PCDHGA4: variants seen among roughly 807,000 people sequenced by gnomAD.
PCDHGA4 encodes protocadherin gamma subfamily A, 4.
Under a neutral mutation model 54.6 loss-of-function variants are expected in PCDHGA4, and 38 were observed. The ratio of observed to expected loss-of-function variants is 0.70; its 90% CI spans 0.54 to 0.91. PCDHGA4 has a LOEUF of 0.91. Among genes scored for constraint, PCDHGA4 ranks in the 40% least tolerant of loss-of-function variants. PCDHGA4 has a pLI of 0.00. For missense variants in PCDHGA4, 1,298 were observed against 1,220.9 expected, an observed-to-expected ratio of 1.06 and a Z score of -0.94; for synonymous variants, 511 against 512.9, an observed-to-expected ratio of 1.00 and a Z score of 0.05.
At chr5:141,372,985 G>A (rs1018239187) in intron 1 of PCDHGA4, 2 of 639,950 alleles carry the variant, frequency 3.1e-6, no homozygotes, top group Non-Finnish European at 5.2e-6. Context: ...TATCTGTGTT[G>A]CAGTTGTTCT....
intron 1 of PCDHGA4, chr5:141,417,697 C>T: frequency 8.8e-7 from 1 of 1,140,966 alleles, no homozygotes; most frequent in Non-Finnish European, 1.2e-6. Context: ...AAAACCAGCT[C>T]CCACACAGAG....
At chr5:141,456,695 T>C (rs1264543968) in intron 1 of PCDHGA4, among the ~76,000 whole-genome samples, 2 of 152,136 alleles carry the variant, frequency 1.3e-5, no homozygotes, top group Non-Finnish European at 2.9e-5. Flanking sequence ...CCAGGCGTGG[T>C]GGCTCGCGCC....
intron 1 of PCDHGA4, chr5:141,383,627 C>G: frequency 1.2e-6 from 2 of 1,613,952 alleles, no homozygotes; most frequent in South Asian, 1.1e-5. Context: ...CCTGTCTTCT[C>G]TCTGCCTCAG....
chr5:141,419,067 A>C (rs2096321794), intron 1 of PCDHGA4: 2 of 1,613,956 alleles, frequency 1.2e-6, no homozygotes, highest in African/African-American at 1.3e-5. Flanking sequence ...AATTACTACA[A>C]GCTAGTAACA....
chr5:141,408,933 G>C, intron 1 of PCDHGA4: 1 of 1,613,550 alleles, frequency 6.2e-7, no homozygotes, highest in South Asian at 1.1e-5. Context: ...GTTTTCAGCA[G>C]AGACGAATAT....
At chr5:141,376,011 T>C (rs1173303153) in intron 1 of PCDHGA4, 1 of 1,613,332 alleles carries the variant, frequency 6.2e-7, no homozygotes, top group Non-Finnish European at 8.5e-7. Context: ...CAGAGCCTAG[T>C]GGTGGCCGTC....
At position 141,432,673 on chromosome 5, in the gene PCDHGA4, C is replaced by A. The variant is rs770930842; in HGVS notation, c.2515-62134C>A. 5 of 1,613,922 alleles carry A rather than the reference C, an allele frequency of 3.1e-6. No homozygotes were observed. Among genetic ancestry groups the A allele is most frequent in the Non-Finnish European group, 4.2e-6 (5 of 1,179,960 alleles). On this transcript the variant is annotated intron_variant, in intron 1 of 3. Coordinates refer to ENST00000571252, the MANE Select transcript of PCDHGA4 (RefSeq NM_018917.4). This position sits in a 1 kb window ranked among gnomAD's most constrained non-coding sequence, Gnocchi z 6.0. ...GAGCCCTGCTGGACAGAGACGCGCTCAAGCAGAGCCTCGTAGTGGCCGTCC... is the reference window on the plus strand; with the variant it reads ...GAGCCCTGCTGGACAGAGACGCGCTAAAGCAGAGCCTCGTAGTGGCCGTCC...
chr5:141,422,286 T>C, intron 1 of PCDHGA4: 2 of 1,554,938 alleles, frequency 1.3e-6, no homozygotes, highest in Non-Finnish European at 1.7e-6. Flanking sequence ...TCACCTCTTC[T>C]ATTAATTCAA....
chr5:141,372,580 C>T (rs1363878149), intron 1 of PCDHGA4: 1 of 1,614,038 alleles, frequency 6.2e-7, no homozygotes, highest in Non-Finnish European at 8.5e-7. Flanking sequence ...TACTTTCAGC[C>T]TGGTGTCTGC....
intron 1 of PCDHGA4, among the ~76,000 whole-genome samples, chr5:141,407,479 T>C (rs1042229151): frequency 1.4e-5 from 2 of 144,060 alleles, no homozygotes; most frequent in East Asian, 1.9e-4. Context: ...GAATGGAGTA[T>C]GGAAAATCTT....
intron 1 of PCDHGA4, chr5:141,415,113 C>G: frequency 1.2e-6 from 2 of 1,613,642 alleles, no homozygotes; most frequent in Non-Finnish European, 1.7e-6. Context: ...AGCAAAGCCT[C>G]GTAGTGGCCG....
Position 141,476,645 on chromosome 5 carries a change from A to C in PCDHGA4, c.2515-18162A>C. 1 of 1,614,246 alleles carries C rather than the reference A, an allele frequency of 6.2e-7. No homozygotes were observed. The highest frequency in any genetic ancestry group is 8.5e-7 in the Non-Finnish European group (1 of 1,180,052). On this transcript the variant is annotated intron_variant, in intron 1 of 3. Coordinates refer to ENST00000571252, the MANE Select transcript of PCDHGA4 (RefSeq NM_018917.4). The surrounding 1 kb of genome is among the most constrained non-coding windows in gnomAD (Gnocchi z 7.6). ...TTTACAAACCTATGAGCTGAGCCGA[A>C]ATGAATACTTTGCGCTTCGCGTGCA...
intron 1 of PCDHGA4, among the ~76,000 whole-genome samples, chr5:141,373,077 A>C (rs1216533246): frequency 6.6e-6 from 1 of 152,210 alleles, no homozygotes; most frequent in Non-Finnish European, 1.5e-5. Flanking sequence ...TTAATACAGT[A>C]TTATCTCACA....
intron 1 of PCDHGA4, among the ~76,000 whole-genome samples, chr5:141,467,051 T>G (rs988417775): frequency 6.6e-6 from 1 of 151,462 alleles, no homozygotes; most frequent in Non-Finnish European, 1.5e-5. Context: ...TGAATCAATG[T>G]TTTCTTTTTT....
At chr5:141,359,373 A>C (rs1415898355) in intron 1 of PCDHGA4, among the ~76,000 whole-genome samples, 1 of 152,158 alleles carries the variant, frequency 6.6e-6, no homozygotes, top group East Asian at 1.9e-4. Context: ...GGAAAGCAGT[A>C]GATAATTTAT....
At chr5:141,500,436 C>G (rs1318326111) in intron 2 of PCDHGA4, among the ~76,000 whole-genome samples, 2 of 151,836 alleles carry the variant, frequency 1.3e-5, no homozygotes, top group African/African-American at 2.4e-5. Flanking sequence ...GTCTCGATCT[C>G]CTGACCTCGT....
rs779342119 is a variant in PCDHGA4 at position 141,360,661 on chromosome 5, G to A, written c.2514+3040G>A. 5 of 1,613,944 alleles carry A rather than the reference G, an allele frequency of 3.1e-6. No individual in the cohort carries two copies. The highest frequency in any genetic ancestry group is 4.2e-6 in the Non-Finnish European group (5 of 1,179,902). On this transcript the variant is annotated intron_variant, in intron 1 of 3. Coordinates refer to ENST00000571252, the MANE Select transcript of PCDHGA4 (RefSeq NM_018917.4). ...ACAAAGATACCACCTTAATGACAACGAGTACTTTGATCTCGCTGAGAAACA... is the reference window on the plus strand; with the variant it reads ...ACAAAGATACCACCTTAATGACAACAAGTACTTTGATCTCGCTGAGAAACA...
intron 1 of PCDHGA4, chr5:141,478,822 T>C: frequency 4.2e-6 from 6 of 1,444,070 alleles, no homozygotes; most frequent in Non-Finnish European, 5.5e-6. Flanking sequence ...AACTAACCAA[T>C]CTTGCTAAGG....
At chr5:141,369,706 T>G (rs973435309) in intron 1 of PCDHGA4, among the ~76,000 whole-genome samples, 2 of 152,204 alleles carry the variant, frequency 1.3e-5, no homozygotes, top group Admixed American at 1.3e-4. Context: ...AGCTATGACA[T>G]TATAACTTTT....
Sources: gnomAD v4.1 joint callset for allele counts (sites outside exome capture counted in the v4.1 genomes callset) on GRCh38, gnomAD v4.1.1 for gene constraint, Gnocchi (gnomAD v3.1) non-coding constraint, MANE v1.5 for transcripts, NCBI Gene and HGNC (gene_info 2026-07-23, HGNC 2026-07-21) for gene names.